ACSL5: variants seen among roughly 807,000 people sequenced by gnomAD.
ACSL5 encodes the protein long-chain-fatty-acid--CoA ligase 5.
In ACSL5, 50 loss-of-function variants were observed where a neutral mutation model predicts 84.9. The observed-to-expected ratio is 0.59, with a 90% CI of 0.47 to 0.75. The LOEUF is 0.75. ACSL5 is among the 30% of genes least tolerant of loss of function. ACSL5 has a pLI of 0.00. For missense variants in ACSL5, 775 were observed against 830.4 expected (o/e 0.93, Z 0.82); for synonymous variants, 280 against 300.7 (o/e 0.93, Z 0.71).
chr10:112,403,537 T>C (rs928633351), intron 3 of ACSL5, among the ~76,000 whole-genome samples: 6 of 152,186 alleles, frequency 3.9e-5, no homozygotes, highest in African/African-American at 1.4e-4. Flanking sequence ...CTGCCCGCCT[T>C]GGCCTCCCAA....
intron 17 of ACSL5, among the ~76,000 whole-genome samples, chr10:112,422,985 G>A (rs1201018465): frequency 3.4e-5 from 5 of 146,156 alleles, no homozygotes; most frequent in Admixed American, 1.4e-4. Flanking sequence ...TCAGGAGATC[G>A]AGACCATCCT....
intron 14 of ACSL5, 21 bp downstream of exon 14, chr10:112,417,962 G>A: frequency 6.4e-7 from 1 of 1,560,286 alleles, no homozygotes; most frequent in Non-Finnish European, 8.7e-7. Context: ...CACCTTCTTT[G>A]AGAATAGGCT....
chr10:112,388,079 C>T (rs1387479070), intron 1 of ACSL5, among the ~76,000 whole-genome samples: 1 of 151,850 alleles, frequency 6.6e-6, no homozygotes, highest in African/African-American at 2.4e-5. Context: ...GCTGGGATTA[C>T]AGGCATGCGC....
chr10:112,414,523 T>C (rs1844271750), intron 12 of ACSL5, among the ~76,000 whole-genome samples: 2 of 151,948 alleles, frequency 1.3e-5, no homozygotes, highest in South Asian at 4.2e-4. Context: ...CCCAGCTAAT[T>C]TTTTAATATT....
At chr10:112,415,251 G>C (rs972542612) in intron 12 of ACSL5, among the ~76,000 whole-genome samples, 3 of 152,118 alleles carry the variant, frequency 2.0e-5, no homozygotes, top group Non-Finnish European at 4.4e-5. Flanking sequence ...CCAGGCTGGA[G>C]TGCAGTGGCA....
At chr10:112,389,532 C>G (rs1849516206) in intron 1 of ACSL5, among the ~76,000 whole-genome samples, 1 of 152,116 alleles carries the variant, frequency 6.6e-6, no homozygotes, top group Non-Finnish European at 1.5e-5. Context: ...TGACAGAGCC[C>G]TCTTTCCTCT....
intron 19 of ACSL5, 72 bp from the exon 20 acceptor site, chr10:112,426,716 T>G: frequency 1.1e-5 from 15 of 1,364,168 alleles, no homozygotes; most frequent in East Asian, 2.3e-5. Flanking sequence ...ACAGGCACTT[T>G]GAGTTGGTTC....
chr10:112,406,432 C>G (rs1267668674), intron 5 of ACSL5: 1 of 152,230 alleles, frequency 6.6e-6, no homozygotes, highest in Non-Finnish European at 1.5e-5. Context: ...ATCTCATATA[C>G]TGTCACATTG....
chr10:112,401,640 G>A (rs1160970228), intron 3 of ACSL5, among the ~76,000 whole-genome samples: 1 of 152,240 alleles, frequency 6.6e-6, no homozygotes, highest in Non-Finnish European at 1.5e-5. Context: ...TGAGACCTGA[G>A]TTGTTGCCCC....
At chr10:112,419,522 A>C (rs1360702349) in intron 14 of ACSL5, 1 of 152,156 alleles carries the variant, frequency 6.6e-6, no homozygotes, top group Non-Finnish European at 1.5e-5. Flanking sequence ...TAATGTTTGC[A>C]TTATAAAACA....
chr10:112,401,774 T>TTCTC (rs1843895742), intron 3 of ACSL5, among the ~76,000 whole-genome samples: 1 of 150,066 alleles, frequency 6.7e-6, no homozygotes, highest in African/African-American at 2.4e-5. Flanking sequence ...CTTTCTTTCT[T>TTCTC]TTTCTTTCTT....
chr10:112,420,505 C>T (rs1410301192), intron 14 of ACSL5, among the ~76,000 whole-genome samples: 2 of 152,164 alleles, frequency 1.3e-5, no homozygotes, highest in South Asian at 2.1e-4. Flanking sequence ...AAAATATTTA[C>T]TATCTTGGCC....
Position 112,409,635 on chromosome 10 carries a change from C to T in ACSL5, c.661C>T (p.Gln221Ter). The change falls in exon 7 of 21, where the codon CAA becomes TAA. Residue 221 changes from glutamine to a stop codon, truncating the protein, a stop_gained. Coordinates refer to ENST00000354655, the MANE Select transcript of ACSL5 (RefSeq NM_203379.2). LOFTEE classifies it high-confidence loss of function. Reference sequence around the variant, plus strand: ...GGACCCCTTTGATGATGACCTGAAGCAAAGAGGGGAGAAGAGTGGAATTGA... The same window carrying T: ...GGACCCCTTTGATGATGACCTGAAGTAAAGAGGGGAGAAGAGTGGAATTGA... ...LMDPFDDDLKQRGEKSGIEIL... is the reference protein window; with the variant it reads ...LMDPFDDDLK The T allele has an allele frequency of 6.2e-6, 10 of 1,614,114 alleles. No individual in the cohort carries two copies. The highest frequency in any genetic ancestry group is 8.5e-6 in the Non-Finnish European group (10 of 1,180,020).
Position 112,394,904 on chromosome 10 carries a change from G to A in ACSL5, c.-29-14G>A, listed in dbSNP as rs1564733962. On this transcript the variant is annotated splice_polypyrimidine_tract_variant and intron_variant, in intron 1 of 20. Transcript: ENST00000354655. ...ATTTCCTCTAAATTTTCTTTCCCCTGTTTTTTTTTTAAGGTCTGAATTTCC... is the reference window on the plus strand; with the variant it reads ...ATTTCCTCTAAATTTTCTTTCCCCTATTTTTTTTTTAAGGTCTGAATTTCC... 1.1e-6 allele frequency: 1 copy of A among 881,912 alleles called. No individual in the cohort carries two copies. Among genetic ancestry groups the A allele is most frequent in the African/African-American group, 1.8e-5 (1 of 57,076 alleles). 54.6% of individuals were successfully genotyped at this position (881,912 alleles called of 1,614,324 possible).
At chr10:112,397,913 G>A (rs543680578) in intron 2 of ACSL5, among the ~76,000 whole-genome samples, 4 of 151,906 alleles carry the variant, frequency 2.6e-5, no homozygotes, top group Admixed American at 6.6e-5. Flanking sequence ...GTTTAAACTC[G>A]ATAAGATAAA....
chr10:112,408,314 A>T, intron 5 of ACSL5, 108 bp from the exon 6 acceptor site: 1 of 717,044 alleles, frequency 1.4e-6, no homozygotes. Flanking sequence ...AAAAAAAAAA[A>T]GCAAAACAAA....
chr10:112,426,727 A>T, intron 19 of ACSL5, 61 bp from the exon 20 acceptor site: 1 of 1,494,552 alleles, frequency 6.7e-7, no homozygotes, highest in Non-Finnish European at 9.3e-7. Flanking sequence ...GAGTTGGTTC[A>T]TGCTTAGCCC....
chr10:112,428,168 A>G lies in ACSL5; in HGVS notation c.*810A>G. 1 of 334,186 alleles carries G rather than the reference A, an allele frequency of 3.0e-6. No individual in the cohort carries two copies. Among genetic ancestry groups the G allele is most frequent in the African/African-American group, 2.1e-5 (1 of 47,450 alleles). The allele number at this position is 334,186 out of a possible 1,614,324, so 20.7% of individuals were successfully genotyped here. A position where few individuals can be genotyped will look rare whatever the true frequency, so the allele number is the denominator to read the frequency against. ...TGGGCCCAGTGAACTTTTCCAGTAA[A>G]TGAAGCAAGCACTGAATAAAAACCT... On this transcript the variant is annotated 3_prime_UTR_variant, in exon 21 of 21. Transcript: ENST00000354655.
In ACSL5 at chr10:112,417,943, T is replaced by A. The variant is rs1338222173; in HGVS notation, c.1314+2T>A. ...TTCCGGGCAGCAATGGGATGTCAGG[T>A]AAGCCAAGCACCTTCTTTGAGAATA... On this transcript the variant is annotated splice_donor_variant, in intron 14 of 20. Coordinates refer to ENST00000354655, the MANE Select transcript of ACSL5 (RefSeq NM_203379.2). LOFTEE classifies it high-confidence loss of function. The A allele has an allele frequency of 6.2e-7, 1 of 1,601,068 alleles. No individual in the cohort carries two copies.
Sources: gnomAD v4.1 joint callset for allele counts (sites outside exome capture counted in the v4.1 genomes callset) on GRCh38, gnomAD v4.1.1 for gene constraint, MANE v1.5 for transcripts, NCBI Gene and HGNC (gene_info 2026-07-23, HGNC 2026-07-21) for gene names.